Variants in CAST observed in about 807,000 individuals in gnomAD.
The protein encoded by CAST is MIR583 host.
A neutral mutation model predicts 119.6 loss-of-function variants in CAST; 76 were observed. The ratio of observed to expected loss-of-function variants is 0.64; its 90% confidence interval spans 0.53 to 0.77. CAST has a LOEUF of 0.77. CAST is among the 30% of genes least tolerant of loss of function. The pLI, the probability that CAST is intolerant of heterozygous loss-of-function variation, is 0.00. For synonymous variants in CAST, 319 were observed against 331.6 expected (o/e 0.96, Z 0.41); for missense variants, 953 against 946.5 (o/e 1.01, Z -0.09).
chr5:96,422,650 TATAGCTGGGGA>T, the CAST span, among the ~76,000 whole-genome samples: 3 of 152,200 alleles, frequency 2.0e-5, no homozygotes, highest in Non-Finnish European at 2.9e-5. Context: ...AGCTTGGTGT[TATAGCTGGGGA>T]ATGTTTGATA....
the CAST span, among the ~76,000 whole-genome samples, chr5:96,146,685 C>CT: frequency 1.2e-4 from 18 of 151,618 alleles, no homozygotes; most frequent in South Asian, 2.1e-4. Flanking sequence ...AACATACAGC[C>CT]TTTTTTTTTG....
chr5:96,732,888 A>G (rs948116099), intron 9 of CAST, among the ~76,000 whole-genome samples: 5 of 152,260 alleles, frequency 3.3e-5, no homozygotes, highest in Admixed American at 6.5e-5. Flanking sequence ...AAGCAAGTGA[A>G]GGAACAATGA....
At chr5:96,077,820 C>T in the CAST span, among the ~76,000 whole-genome samples, 1 of 152,120 alleles carries the variant, frequency 6.6e-6, no homozygotes, top group Non-Finnish European at 1.5e-5. Flanking sequence ...GAACCATAAG[C>T]CAAATAAACC....
chr5:96,507,601 G>C, the CAST span, among the ~76,000 whole-genome samples: 265 of 152,112 alleles, frequency 1.7e-3, no homozygotes, highest in African/African-American at 6.1e-3. Context: ...AGAAATCAGG[G>C]GTTACTTCTG....
At chr5:96,308,301 A>T in the CAST span, among the ~76,000 whole-genome samples, 4 of 151,818 alleles carry the variant, frequency 2.6e-5, no homozygotes, top group African/African-American at 9.7e-5. Flanking sequence ...TTTCAGCTTC[A>T]TCAGGTCATT....
At chr5:96,662,805 C>T (rs1748737185) in intron 1 of CAST, among the ~76,000 whole-genome samples, 2 of 152,180 alleles carry the variant, frequency 1.3e-5, no homozygotes, top group Admixed American at 1.3e-4. Flanking sequence ...GAATGAGGTT[C>T]ACTCAGGACC....
chr5:96,532,078 C>A (rs1439664370), intron 1 of CAST, among the ~76,000 whole-genome samples: 9 of 151,954 alleles, frequency 5.9e-5, no homozygotes, highest in Admixed American at 1.3e-4. Flanking sequence ...CAAAGCAAGA[C>A]CTCCCCATCT....
the CAST span, among the ~76,000 whole-genome samples, chr5:95,971,960 CTTT>C: frequency 2.9e-5 from 4 of 136,954 alleles, no homozygotes; most frequent in Non-Finnish European, 3.2e-5. Flanking sequence ...TCTTTTATTT[CTTT>C]TTTTTTTTTT....
the CAST span, among the ~76,000 whole-genome samples, chr5:96,052,846 G>A: frequency 3.3e-5 from 5 of 152,204 alleles, no homozygotes; most frequent in African/African-American, 9.7e-5. Flanking sequence ...CTTAAAACAC[G>A]TGGGAGAATG....
intron 1 of CAST, among the ~76,000 whole-genome samples, chr5:96,555,126 A>G (rs572862558): frequency 6.6e-6 from 1 of 152,354 alleles, no homozygotes; most frequent in Admixed American, 6.5e-5. Context: ...GGCACTATTC[A>G]CAATAGCAAA....
At chr5:96,476,458 C>A in the CAST span, among the ~76,000 whole-genome samples, 1 of 152,090 alleles carries the variant, frequency 6.6e-6, no homozygotes, top group Non-Finnish European at 1.5e-5. Flanking sequence ...TAAAGTGATA[C>A]TAGGAATTAT....
the CAST span, among the ~76,000 whole-genome samples, chr5:96,168,134 A>G: frequency 5.3e-3 from 814 of 152,256 alleles, 8 homozygotes; most frequent in African/African-American, 0.019. Flanking sequence ...GAAGAGATTG[A>G]TAGGTGGAAG....
At chr5:96,298,824 A>T in the CAST span, among the ~76,000 whole-genome samples, 10 of 152,090 alleles carry the variant, frequency 6.6e-5, no homozygotes, top group Non-Finnish European at 1.2e-4. Context: ...AAGCAATTTC[A>T]GTTAGGGAGA....
chr5:96,070,891 A>G, the CAST span, among the ~76,000 whole-genome samples: 860 of 152,302 alleles, frequency 5.6e-3, 5 homozygotes, highest in African/African-American at 0.02. Context: ...CCCAAGGACT[A>G]AGGAGAACAA....
chr5:96,323,121 C>G, the CAST span, among the ~76,000 whole-genome samples: 7 of 152,162 alleles, frequency 4.6e-5, no homozygotes, highest in Non-Finnish European at 5.9e-5. Flanking sequence ...TTTGTGTAAA[C>G]TTCAGCCTAG....
At chr5:96,289,690 C>T in the CAST span, among the ~76,000 whole-genome samples, 650 of 152,156 alleles carry the variant, frequency 4.3e-3, 2 homozygotes, top group Middle Eastern at 0.01. Context: ...AGTGTGAAAA[C>T]GAACAAACAC....
chr5:96,509,132 T>C, the CAST span, among the ~76,000 whole-genome samples: 2 of 152,218 alleles, frequency 1.3e-5, no homozygotes, highest in Admixed American at 1.3e-4. Context: ...AAATCTGTAA[T>C]TTAAAGATAA....
chr5:96,485,202 T>G, the CAST span, among the ~76,000 whole-genome samples: 1 of 151,888 alleles, frequency 6.6e-6, no homozygotes, highest in Non-Finnish European at 1.5e-5. Flanking sequence ...GAAAAGTGAG[T>G]GTGGATTAGG....
At chr5:96,065,074 A>C in the CAST span, among the ~76,000 whole-genome samples, 2 of 152,132 alleles carry the variant, frequency 1.3e-5, no homozygotes, top group Non-Finnish European at 2.9e-5. Flanking sequence ...TGTTACCAAT[A>C]GTTCCTAGTA....
Sources: gnomAD v4.1 joint callset for allele counts (sites outside exome capture counted in the v4.1 genomes callset) on GRCh38, gnomAD v4.1.1 for gene constraint, MANE v1.5 for transcripts, NCBI Gene and HGNC (gene_info 2026-07-23, HGNC 2026-07-21) for gene names.